The following PRIM2 variants were observed in gnomAD, a reference collection of about 807,000 sequenced individuals.
The protein encoded by PRIM2 is DNA primase subunit 2, also known as DNA primase large subunit.
Under a neutral mutation model 67.3 loss-of-function variants are expected in PRIM2, and 39 were observed. The ratio of observed to expected loss-of-function variants is 0.58; its 90% CI spans 0.45 to 0.76. PRIM2 has a LOEUF of 0.76. Among genes scored for constraint, PRIM2 ranks in the 30% least tolerant of loss-of-function variants. The pLI is 0.00. For missense variants in PRIM2, 398 were observed against 598.7 expected, an observed-to-expected ratio of 0.66 and a Z score of 3.50; for synonymous variants, 143 against 198.7, an observed-to-expected ratio of 0.72 and a Z score of 2.36.
chr6:57,267,745 CA>C, the PRIM2 span, among the ~76,000 whole-genome samples: 1 of 149,682 alleles, frequency 6.7e-6, no homozygotes, highest in East Asian at 2.1e-4. Context: ...CCCATCTCTA[CA>C]AAAAAATTTT....
chr6:57,313,579 A>G (rs1404774361), upstream of PRIM2, among the ~76,000 whole-genome samples: 1 of 152,158 alleles, frequency 6.6e-6, no homozygotes, highest in African/African-American at 2.4e-5. Flanking sequence ...GCAAATGGAG[A>G]GAGAATGAAG....
At chr6:57,579,779 C>T (rs1331866918) in intron 10 of PRIM2, among the ~76,000 whole-genome samples, 41 of 152,108 alleles carry the variant, frequency 2.7e-4, no homozygotes, top group Non-Finnish European at 5.1e-4. Context: ...CACAGAAAGA[C>T]TGAAAATAAA....
At chr6:57,223,004 G>A in the PRIM2 span, among the ~76,000 whole-genome samples, 1 of 152,128 alleles carries the variant, frequency 6.6e-6, no homozygotes, top group African/African-American at 2.4e-5. Flanking sequence ...CAGAATGTTC[G>A]TAGCTGCATT....
intron 7 of PRIM2, among the ~76,000 whole-genome samples, chr6:57,405,745 A>G (rs1433070590): frequency 6.9e-6 from 1 of 144,678 alleles, no homozygotes; most frequent in African/African-American, 2.7e-5. Context: ...GCCAGGCAAA[A>G]ACATGGGAGA....
At chr6:57,284,167 A>T in the PRIM2 span, among the ~76,000 whole-genome samples, 1 of 152,198 alleles carries the variant, frequency 6.6e-6, no homozygotes, top group African/African-American at 2.4e-5. Context: ...AACATGAAAG[A>T]GAGAGAGTTG....
At chr6:57,318,405 C>T in intron 1 of PRIM2, 32 bp from the exon 2 acceptor site, 3 of 1,511,122 alleles carry the variant, frequency 2.0e-6, no homozygotes, top group Non-Finnish European at 2.7e-6. Flanking sequence ...TGTTTTCCAT[C>T]ATTTTACGCT....
intron 5 of PRIM2, among the ~76,000 whole-genome samples, chr6:57,327,847 G>A (rs546285025): frequency 6.6e-6 from 1 of 152,326 alleles, no homozygotes; most frequent in South Asian, 2.1e-4. Flanking sequence ...TTTCATGGAA[G>A]ACAATTTTTC....
chr6:57,221,916 C>A, the PRIM2 span: 1 of 152,530 alleles, frequency 6.6e-6, no homozygotes, highest in African/African-American at 2.4e-5. Flanking sequence ...AACCCGGGAC[C>A]CCGGGGAGAA....
intron 7 of PRIM2, among the ~76,000 whole-genome samples, chr6:57,432,590 A>G (rs547178855): frequency 1.1e-4 from 17 of 152,284 alleles, no homozygotes; most frequent in African/African-American, 4.1e-4. Context: ...AAATTTTTAT[A>G]TTTTCCATTT....
intron 7 of PRIM2, among the ~76,000 whole-genome samples, chr6:57,486,968 G>T (rs1773769042): frequency 6.6e-6 from 1 of 152,170 alleles, no homozygotes; most frequent in South Asian, 2.1e-4. Context: ...AGAAAATAAA[G>T]CAGTTGAGAA....
intron 7 of PRIM2, among the ~76,000 whole-genome samples, chr6:57,490,672 C>A (rs1773867944): frequency 6.6e-6 from 1 of 152,132 alleles, no homozygotes; most frequent in African/African-American, 2.4e-5. Flanking sequence ...AGAGCTTAAT[C>A]AGATAAATAG....
At chr6:57,615,904 A>G (rs1339825722) in intron 12 of PRIM2, among the ~76,000 whole-genome samples, 2 of 152,116 alleles carry the variant, frequency 1.3e-5, no homozygotes, top group Non-Finnish European at 2.9e-5. Context: ...AAAATTAACA[A>G]ACAATAAATA....
chr6:57,373,703 A>G (rs539700396), intron 5 of PRIM2, among the ~76,000 whole-genome samples: 11 of 152,288 alleles, frequency 7.2e-5, no homozygotes, highest in Admixed American at 2.6e-4. Flanking sequence ...TTATACAGGG[A>G]AATCTTTCCC....
chr6:57,536,587 A>G (rs1775007458), intron 9 of PRIM2, among the ~76,000 whole-genome samples: 1 of 152,254 alleles, frequency 6.6e-6, no homozygotes, highest in Non-Finnish European at 1.5e-5. Context: ...AACTGGAAAC[A>G]ACCCAAGTGT....
chr6:57,635,029 T>C (rs1777095651), intron 13 of PRIM2, among the ~76,000 whole-genome samples: 1 of 152,238 alleles, frequency 6.6e-6, no homozygotes, highest in Non-Finnish European at 1.5e-5. Flanking sequence ...TCTGCCATCC[T>C]ACCCCTCCCC....
At chr6:57,605,710 T>C (rs1222171957) in intron 11 of PRIM2, among the ~76,000 whole-genome samples, 43 of 152,214 alleles carry the variant, frequency 2.8e-4, no homozygotes, top group Admixed American at 1.3e-4. Flanking sequence ...ACAGCTTTTG[T>C]ATTTCAAATT....
intron 8 of PRIM2, among the ~76,000 whole-genome samples, chr6:57,510,291 TG>T (rs1364596546): frequency 6.6e-6 from 1 of 152,184 alleles, no homozygotes. Context: ...GAAATTTTGT[TG>T]TTTTTTTCTG....
chr6:57,524,440 G>T (rs1425351665), intron 8 of PRIM2, among the ~76,000 whole-genome samples: 1 of 152,140 alleles, frequency 6.6e-6, no homozygotes, highest in Non-Finnish European at 1.5e-5. Flanking sequence ...GGTGGCTCAC[G>T]CCTGTAATCC....
intron 7 of PRIM2, among the ~76,000 whole-genome samples, chr6:57,435,846 C>A (rs1054542229): frequency 6.6e-6 from 1 of 152,100 alleles, no homozygotes; most frequent in African/African-American, 2.4e-5. Context: ...GTGGTTTGGG[C>A]ATTTTAAAGG....
Sources: gnomAD v4.1 joint callset for allele counts (sites outside exome capture counted in the v4.1 genomes callset) on GRCh38, gnomAD v4.1.1 for gene constraint, MANE v1.5 for transcripts, NCBI Gene and HGNC (gene_info 2026-07-23, HGNC 2026-07-21) for gene names.